Variants in KYAT1 observed in about 807,000 individuals in gnomAD.
The protein encoded by KYAT1 is kynurenine aminotransferase 1.
KYAT1 carries 47 observed loss-of-function variants against 52.4 expected under a neutral mutation model. The observed-to-expected ratio is 0.90, with a 90% CI of 0.71 to 1.14. The LOEUF (loss-of-function observed/expected upper bound fraction) is 1.14. Among genes scored for constraint, KYAT1 ranks in the 50% most tolerant of loss-of-function variants. The pLI is 0.00. For synonymous variants in KYAT1, 212 were observed against 209.6 expected (o/e 1.01, Z -0.10); for missense variants, 480 against 557.9 (o/e 0.86, Z 1.41).
chr9:128,849,093 C>T (rs550903936), intron 1 of KYAT1, among the ~76,000 whole-genome samples: 19 of 148,788 alleles, frequency 1.3e-4, no homozygotes, highest in Non-Finnish European at 2.1e-4. Context: ...CCAGCCTAAG[C>T]GACAAAATGA....
chr9:128,843,091 C>T (rs1041733731), intron 2 of KYAT1, among the ~76,000 whole-genome samples: 36 of 152,058 alleles, frequency 2.4e-4, no homozygotes, highest in African/African-American at 6.3e-4. Flanking sequence ...CACTTGAACC[C>T]GGGAACCGGA....
At chr9:128,838,007 C>A in intron 5 of KYAT1, 44 bp downstream of exon 5, 1 of 1,589,930 alleles carries the variant, frequency 6.3e-7, no homozygotes, top group Non-Finnish European at 8.6e-7. Flanking sequence ...TCAGCCCACG[C>A]CTTGGATCCC....
At chr9:128,872,027 G>T (rs888216837) in intron 1 of KYAT1, among the ~76,000 whole-genome samples, 68 of 151,882 alleles carry the variant, frequency 4.5e-4, no homozygotes, top group Admixed American at 7.2e-4. Flanking sequence ...TACTCCGGAG[G>T]CTGGGGCAGG....
intron 1 of KYAT1, among the ~76,000 whole-genome samples, chr9:128,852,326 ACTG>A (rs1445793460): frequency 6.6e-6 from 1 of 152,098 alleles, no homozygotes; most frequent in Non-Finnish European, 1.5e-5. Flanking sequence ...GATCTGAAGG[ACTG>A]CTTTTTTACC....
chr9:128,866,769 C>T (rs565681193), intron 1 of KYAT1, among the ~76,000 whole-genome samples: 29 of 150,848 alleles, frequency 1.9e-4, no homozygotes, highest in South Asian at 1.0e-3. Flanking sequence ...AAATATTAGC[C>T]GTGATGTGCG....
At chr9:128,845,516 G>T in intron 1 of KYAT1, 105 bp from the exon 2 acceptor site, 1 of 1,057,654 alleles carries the variant, frequency 9.5e-7, no homozygotes, top group Non-Finnish European at 1.4e-6. Context: ...GCGCCATCCT[G>T]TCTGCTCCCA....
intron 1 of KYAT1, among the ~76,000 whole-genome samples, chr9:128,871,645 G>A (rs571821834): frequency 5.3e-5 from 8 of 152,142 alleles, no homozygotes; most frequent in South Asian, 2.1e-4. Context: ...CCAGGCAGTC[G>A]AGGCAGCAGT....
In KYAT1 at chr9:128,835,616, T is replaced by C. The variant is rs1830923081; in HGVS notation, c.907A>G (p.Ser303Gly). 1.9e-6 allele frequency: 3 copies of C among 1,612,424 alleles called. No homozygotes were observed. The highest frequency in any genetic ancestry group is 2.5e-6 in the Non-Finnish European group (3 of 1,180,016). Residue 303 changes from serine (S) to glycine (G), a missense_variant, in exon 10 of 13, where the codon AGC (serine) becomes GGC (glycine). Coordinates refer to ENST00000302586, the MANE Select transcript of KYAT1 (RefSeq NM_004059.5). ...EREQLLFRQP[S>G]SYFVQFPQAM... is the part of the protein sequence containing the mutation. ...TGCGGGAACTGCACAAAGTAGCTGC[T>C]GGGTTGGCGGAAGAGCAGCTGCTCC...
intron 1 of KYAT1, among the ~76,000 whole-genome samples, chr9:128,847,068 G>GC (rs768167923): frequency 1.3e-5 from 2 of 152,094 alleles, no homozygotes; most frequent in Non-Finnish European, 2.9e-5. Context: ...TCAACACCAG[G>GC]CCCCCCTGTC....
intron 3 of KYAT1, chr9:128,840,815 C>A (rs969464525): frequency 3.4e-5 from 10 of 294,844 alleles, no homozygotes; most frequent in Non-Finnish European, 6.7e-5. Flanking sequence ...CTCAGACTCC[C>A]AAGTAGCTGG....
At chr9:128,876,671 G>A (rs1250670227) in intron 1 of KYAT1, among the ~76,000 whole-genome samples, 5 of 150,138 alleles carry the variant, frequency 3.3e-5, no homozygotes, top group South Asian at 4.2e-4. Flanking sequence ...CGCCTGCCTC[G>A]GCCTCCCAAA....
At chr9:128,853,577 G>A (rs201525191) in intron 1 of KYAT1, among the ~76,000 whole-genome samples, 103 of 152,196 alleles carry the variant, frequency 6.8e-4, no homozygotes, top group Non-Finnish European at 1.2e-3. Flanking sequence ...TGTTTAATTC[G>A]TTACAACAAA....
At chr9:128,835,933 C>T in intron 8 of KYAT1, 64 bp downstream of exon 8, 2 of 1,602,358 alleles carry the variant, frequency 1.2e-6, no homozygotes, top group Non-Finnish European at 1.7e-6. Context: ...TCTTCATTCT[C>T]AGGCCCACCT....
chr9:128,848,802 C>G (rs1212902250), intron 1 of KYAT1, among the ~76,000 whole-genome samples: 3 of 127,416 alleles, frequency 2.4e-5, no homozygotes, highest in Non-Finnish European at 3.1e-5. Context: ...GCCTGGGTGA[C>G]AGAGTGAGAC....
chr9:128,856,399 C>T (rs931996190), intron 1 of KYAT1, among the ~76,000 whole-genome samples: 10 of 151,960 alleles, frequency 6.6e-5, no homozygotes, highest in Admixed American at 4.6e-4. Flanking sequence ...CAGCAACCAG[C>T]GAAAACAGGC....
intron 1 of KYAT1, among the ~76,000 whole-genome samples, chr9:128,881,395 CTGT>C (rs747969494): frequency 6.6e-6 from 1 of 152,154 alleles, no homozygotes; most frequent in Non-Finnish European, 1.5e-5. Flanking sequence ...GCTGTTTTTA[CTGT>C]TGTTTCCTTT....
At chr9:128,879,288 C>T (rs956736416) in intron 1 of KYAT1, among the ~76,000 whole-genome samples, 6 of 150,738 alleles carry the variant, frequency 4.0e-5, no homozygotes, top group South Asian at 4.2e-4. Flanking sequence ...CCAGCCTGGG[C>T]GACAGAGTGA....
At chr9:128,857,559 G>A (rs1488163345) in intron 1 of KYAT1, among the ~76,000 whole-genome samples, 1 of 152,190 alleles carries the variant, frequency 6.6e-6, no homozygotes, top group Non-Finnish European at 1.5e-5. Flanking sequence ...TGTATGGGCT[G>A]GGGACGGTGT....
At chr9:128,875,887 G>A (rs942241450) in intron 1 of KYAT1, among the ~76,000 whole-genome samples, 28 of 152,128 alleles carry the variant, frequency 1.8e-4, no homozygotes, top group African/African-American at 6.8e-4. Context: ...GAAGGCAGTG[G>A]ATGACCCCTG....
Sources: gnomAD v4.1 joint callset for allele counts (sites outside exome capture counted in the v4.1 genomes callset) on GRCh38, gnomAD v4.1.1 for gene constraint, MANE v1.5 for transcripts, NCBI Gene and HGNC (gene_info 2026-07-23, HGNC 2026-07-21) for gene names.